Variants in IQSEC1 observed in about 807,000 individuals in gnomAD.
IQSEC1 encodes IQ motif and SEC7 domain-containing protein 1.
In IQSEC1, 31 loss-of-function variants were observed where a neutral mutation model predicts 91.0. The ratio of observed to expected loss-of-function variants is 0.34; its 90% CI spans 0.26 to 0.46. The LOEUF is 0.46. Ranked by LOEUF, IQSEC1 falls within the 20% of genes least tolerant of loss-of-function variation. IQSEC1 has a pLI of 1.00. For missense variants in IQSEC1, 1,388 were observed against 1,575.6 expected, an observed-to-expected ratio of 0.88 and a Z score of 2.02; for synonymous variants, 699 against 662.6, an observed-to-expected ratio of 1.05 and a Z score of -0.84.
In IQSEC1 at chr3:13,176,846, T is replaced by G. The variant is rs1313533257; in HGVS notation, c.273-12713A>C. Among the ~76,000 whole-genome samples, 5 of 152,114 alleles carry G rather than the reference T, an allele frequency of 3.3e-5. No homozygotes were observed. In the South Asian group the frequency reaches 8.3e-4, roughly 25 times the overall value. ...CAAAAAACCATCAGCTCGGTACAGA[T>G]AGGGAAATCTGTTGTATCTATACAA... On this transcript the variant is annotated intron_variant, in intron 1 of 15. Coordinates refer to the IQSEC1 transcript ENST00000648114.
At chr3:13,248,049 G>GTTCCCC (rs894976757) in intron 1 of IQSEC1, among the ~76,000 whole-genome samples, 2 of 152,154 alleles carry the variant, frequency 1.3e-5, no homozygotes, top group African/African-American at 4.8e-5. Context: ...GGTTCTTAAG[G>GTTCCCC]TTCCCCTGGA....
At chr3:13,260,165 G>A (rs200478274) in intron 1 of IQSEC1, among the ~76,000 whole-genome samples, 3 of 152,206 alleles carry the variant, frequency 2.0e-5, no homozygotes, top group Non-Finnish European at 2.9e-5. Context: ...AGGTGAAAGC[G>A]TGGAGGAGGA....
intron 1 of IQSEC1, among the ~76,000 whole-genome samples, chr3:13,206,940 C>A (rs1047548189): frequency 2.6e-5 from 4 of 152,124 alleles, no homozygotes; most frequent in African/African-American, 9.7e-5. Flanking sequence ...GGCCCCGAAG[C>A]AGCCTCAGGT....
At chr3:12,945,699 G>A (rs1400623458) in intron 1 of IQSEC1, among the ~76,000 whole-genome samples, 1 of 152,190 alleles carries the variant, frequency 6.6e-6, no homozygotes, top group African/African-American at 2.4e-5. Flanking sequence ...TTGAGCCAGA[G>A]GACATCACCT....
intron 12 of IQSEC1, among the ~76,000 whole-genome samples, chr3:12,906,854 C>T (rs1273142027): frequency 1.3e-5 from 2 of 152,158 alleles, no homozygotes; most frequent in Non-Finnish European, 1.5e-5. Context: ...TCACACTGCA[C>T]AAACTCAAAC....
chr3:13,072,680 C>A (rs1379455823), intron 1 of IQSEC1, among the ~76,000 whole-genome samples: 1 of 152,232 alleles, frequency 6.6e-6, no homozygotes, highest in Non-Finnish European at 1.5e-5. Flanking sequence ...TAAACCAAAG[C>A]CAAAACAGTA....
intron 1 of IQSEC1, among the ~76,000 whole-genome samples, chr3:13,029,067 G>A (rs552522977): frequency 2.6e-4 from 40 of 152,346 alleles, no homozygotes; most frequent in South Asian, 8.3e-4. Context: ...CTGTGTGACT[G>A]TACTGTGTAA....
intron 5 of IQSEC1, among the ~76,000 whole-genome samples, chr3:12,921,497 C>T (rs764080961): frequency 9.9e-5 from 15 of 152,246 alleles, no homozygotes; most frequent in Non-Finnish European, 1.9e-4. Flanking sequence ...GCGTAGTGAC[C>T]GCGAGCTCAC....
rs1702038496 is a variant in IQSEC1, at chr3:12,992,569, A to G, written c.24-50704T>C. Among the ~76,000 whole-genome samples the G allele has an allele frequency of 1.3e-5, 2 of 152,212 alleles. No individual in the cohort carries two copies. On this transcript the variant is annotated intron_variant, in intron 1 of 13. Coordinates refer to ENST00000613206, the MANE Select transcript of IQSEC1 (RefSeq NM_001134382.3). This position sits in a 1 kb window ranked among gnomAD's most constrained non-coding sequence, Gnocchi z 4.1. ...GGGGGCTGCACAGGCCAATGTGTCCACTGCCTGGTGGAGCCTGACCACAAA... is the reference window on the plus strand; with the variant it reads ...GGGGGCTGCACAGGCCAATGTGTCCGCTGCCTGGTGGAGCCTGACCACAAA...
intron 1 of IQSEC1, among the ~76,000 whole-genome samples, chr3:13,262,755 T>C (rs553274859): frequency 2.0e-5 from 3 of 152,382 alleles, no homozygotes; most frequent in Admixed American, 2.0e-4. Flanking sequence ...TTCTGATCCA[T>C]GCTGGAACAT....
chr3:13,015,628 C>T, intron 1 of IQSEC1: 2 of 985,368 alleles, frequency 2.0e-6, no homozygotes, highest in Non-Finnish European at 2.4e-6. Context: ...AGTGCCTGGC[C>T]TGCCTCTGCG....
Position 12,901,066 on chromosome 3 carries a change from C to T in IQSEC1, c.3262G>A (p.Val1088Met), listed in dbSNP as rs1331572931. ...GCAGGGGGCTGCCCATGGTGGTGCA[C>T]TGTGTGCCCCACGTGGGCCGAGGGC... The part of the protein sequence containing the change: ...PLPSAHVGHT[V>M]HHHGQPPAPP... The change falls in exon 14 of 14, where the codon GTG becomes ATG. Residue 1088 changes from valine to methionine, a missense_variant. By Grantham distance (21) the Val-to-Met change is conservative. Around this residue, in one of 2 missense-constraint regions of IQSEC1, gnomAD observed 329 missense variants for 257.8 expected, o/e 1.28. Coordinates refer to ENST00000613206, the MANE Select transcript of IQSEC1 (RefSeq NM_001134382.3). The T allele has an allele frequency of 6.5e-7, 1 of 1,540,776 alleles. No homozygotes were observed. The highest frequency in any genetic ancestry group is 1.2e-5 in the South Asian group (1 of 83,914).
intron 1 of IQSEC1, among the ~76,000 whole-genome samples, chr3:13,058,737 T>C (rs1410030928): frequency 6.6e-6 from 1 of 152,186 alleles, no homozygotes; most frequent in Non-Finnish European, 1.5e-5. Context: ...AGGAAGGAGC[T>C]GGAAAGCTCG....
intron 1 of IQSEC1, among the ~76,000 whole-genome samples, chr3:13,049,601 C>T (rs545799423): frequency 1.3e-5 from 2 of 152,312 alleles, no homozygotes; most frequent in Non-Finnish European, 2.9e-5. Context: ...AACTCCTAAT[C>T]GCCCTTCAAA....
chr3:13,216,668 G>A (rs1343559203), intron 1 of IQSEC1, among the ~76,000 whole-genome samples: 2 of 152,236 alleles, frequency 1.3e-5, no homozygotes, highest in Non-Finnish European at 2.9e-5. Context: ...CCAGAAAGCT[G>A]GAGGGTGCGG....
At chr3:13,171,652 C>G (rs576667735) in intron 1 of IQSEC1, among the ~76,000 whole-genome samples, 5 of 152,218 alleles carry the variant, frequency 3.3e-5, no homozygotes, top group Admixed American at 3.3e-4. Context: ...CTTCCCTATT[C>G]CTGATGATTT....
At chr3:13,136,802 A>C (rs1706718182) in intron 2 of IQSEC1, among the ~76,000 whole-genome samples, 1 of 152,178 alleles carries the variant, frequency 6.6e-6, no homozygotes, top group Non-Finnish European at 1.5e-5. Flanking sequence ...GGAATACGGA[A>C]GTACTGGCAA....
At chr3:12,921,567 C>T (rs1360519148) in intron 5 of IQSEC1, among the ~76,000 whole-genome samples, 1 of 152,236 alleles carries the variant, frequency 6.6e-6, no homozygotes, top group Non-Finnish European at 1.5e-5. Flanking sequence ...CATCCTTGCA[C>T]CTCTTTCTAG....
intron 1 of IQSEC1, chr3:12,995,026 GC>G (rs1285596305): frequency 6.6e-6 from 1 of 152,304 alleles, no homozygotes; most frequent in African/African-American, 2.4e-5. Context: ...GAGCAGACCT[GC>G]CCCGGAAGCC....
Sources: allele counts gnomAD v4.1 joint callset (sites outside exome capture counted in the v4.1 genomes callset), GRCh38; gene constraint gnomAD v4.1.1; regional missense constraint gnomAD v4.1.1; non-coding constraint Gnocchi (gnomAD v3.1); transcripts MANE v1.5; gene names NCBI Gene and HGNC (gene_info 2026-07-23, HGNC 2026-07-21).